The following LRCH3 variants were observed in gnomAD, a reference collection of about 807,000 sequenced individuals.
LRCH3 encodes DISP complex protein LRCH3.
Under a neutral mutation model 104.5 loss-of-function variants are expected in LRCH3, and 68 were observed. The ratio of observed to expected loss-of-function variants is 0.65; its 90% CI spans 0.54 to 0.80. The LOEUF (loss-of-function observed/expected upper bound fraction) is 0.80. Ranked by LOEUF, LRCH3 falls within the 30% of genes least tolerant of loss-of-function variation. The pLI is 0.00. For missense variants in LRCH3, 951 were observed against 953.9 expected (o/e 1.00, Z 0.04); for synonymous variants, 344 against 361.3 (o/e 0.95, Z 0.54).
chr3:197,852,309 G>A, intron 12 of LRCH3: 1 of 416,604 alleles, frequency 2.4e-6, no homozygotes, highest in Non-Finnish European at 4.4e-6. Flanking sequence ...TGATACTAAA[G>A]CCATTAGAGG....
At chr3:197,844,130 A>T (rs549887344) in intron 10 of LRCH3, among the ~76,000 whole-genome samples, 1 of 152,208 alleles carries the variant, frequency 6.6e-6, no homozygotes, top group African/African-American at 2.4e-5. Flanking sequence ...AGGTAGGAAC[A>T]TGCTTTTGGT....
intron 13 of LRCH3, among the ~76,000 whole-genome samples, chr3:197,853,478 A>G (rs1560582358): frequency 6.6e-6 from 1 of 152,176 alleles, no homozygotes; most frequent in Non-Finnish European, 1.5e-5. Context: ...ACTTAATTCC[A>G]CTGCGCCTGA....
At chr3:197,833,217 T>C (rs924795140) in intron 8 of LRCH3, among the ~76,000 whole-genome samples, 2 of 151,886 alleles carry the variant, frequency 1.3e-5, no homozygotes, top group African/African-American at 4.8e-5. Context: ...AATTATTGAG[T>C]ATTTGAAATG....
intron 1 of LRCH3, among the ~76,000 whole-genome samples, chr3:197,793,202 A>G (rs184047440): frequency 6.6e-6 from 1 of 152,268 alleles, no homozygotes; most frequent in Admixed American, 6.5e-5. Context: ...GGAAAAATAA[A>G]CAGAACTGTT....
chr3:197,829,698 T>A, intron 6 of LRCH3, 25 bp downstream of exon 6: 1 of 1,477,682 alleles, frequency 6.8e-7, no homozygotes, highest in Non-Finnish European at 9.3e-7. Context: ...TCCCTTTATC[T>A]ATCATATTTT....
intron 9 of LRCH3, among the ~76,000 whole-genome samples, chr3:197,837,025 C>G (rs10428138): frequency 6.6e-6 from 1 of 152,024 alleles, no homozygotes; most frequent in African/African-American, 2.4e-5. Context: ...TTTTTCCTAT[C>G]TGAATACTTT....
At chr3:197,840,266 C>T (rs763559039) in intron 10 of LRCH3, among the ~76,000 whole-genome samples, 7 of 151,994 alleles carry the variant, frequency 4.6e-5, no homozygotes, top group Non-Finnish European at 8.8e-5. Flanking sequence ...GGTGAAACGC[C>T]GTCTCTACTA....
rs1032564873 is a variant in LRCH3, at chr3:197,882,090, GT to G, written c.2209-1448del. 8 of 985,310 alleles carry G rather than the reference GT, an allele frequency of 8.1e-6. No homozygotes were observed. In the African/African-American group the frequency reaches 1.4e-4, roughly 17 times the overall value. The allele number at this position is 985,310 out of a possible 1,614,324, so 61.0% of individuals were successfully genotyped here. On this transcript the variant is annotated intron_variant, in intron 20 of 20. Transcript: ENST00000425562. ...AAAAACACACACAGGCTCTCATGTG[GT>G]TTAGGGGTTGTAATTGTACATTCTC...
intron 9 of LRCH3, 139 bp from the exon 10 acceptor site, chr3:197,839,182 T>C (rs1321944226): frequency 1.7e-5 from 10 of 591,138 alleles, no homozygotes; most frequent in Non-Finnish European, 2.9e-5. Flanking sequence ...CTTTTAAACT[T>C]AAAGTTTACA....
intron 1 of LRCH3, among the ~76,000 whole-genome samples, chr3:197,799,980 G>T (rs1484511144): frequency 6.6e-6 from 1 of 151,480 alleles, no homozygotes; most frequent in Non-Finnish European, 1.5e-5. Flanking sequence ...AGGAGTTCAA[G>T]ACGAGCCTGG....
In LRCH3 at chr3:197,810,034, C is replaced by G. The variant is rs1003312204; in HGVS notation, c.263-4874C>G. On this transcript the variant is annotated intron_variant, in intron 1 of 20. Transcript: ENST00000425562. This position sits in a 1 kb window ranked among gnomAD's most constrained non-coding sequence, Gnocchi z 4.0. ...TAACCTTTGAGTAGGGGTGAGGCTA[C>G]TCAAAGGTTGCATGGGAAGCCTGTT... Among the ~76,000 whole-genome samples, 4 of 152,106 alleles carry G rather than the reference C, an allele frequency of 2.6e-5. No individual in the cohort carries two copies. Among genetic ancestry groups the G allele is most frequent in the Non-Finnish European group, 5.9e-5 (4 of 68,022 alleles).
At chr3:197,857,968 T>A (rs1269585846) in intron 14 of LRCH3, among the ~76,000 whole-genome samples, 1 of 152,226 alleles carries the variant, frequency 6.6e-6, no homozygotes, top group African/African-American at 2.4e-5. Flanking sequence ...TCTTGTTCAT[T>A]TATCTCATAG....
intron 20 of LRCH3, among the ~76,000 whole-genome samples, chr3:197,879,326 A>G (rs544160134): frequency 6.6e-6 from 1 of 152,310 alleles, no homozygotes; most frequent in Non-Finnish European, 1.5e-5. Context: ...CATTTTGAAC[A>G]CATTCTCGAG....
intron 1 of LRCH3, among the ~76,000 whole-genome samples, chr3:197,800,430 G>A (rs1419541601): frequency 6.6e-6 from 1 of 152,178 alleles, no homozygotes; most frequent in Non-Finnish European, 1.5e-5. Context: ...TGTTTGAAAA[G>A]GTGCTGAACC....
At chr3:197,857,077 C>A (rs886545973) in intron 14 of LRCH3, among the ~76,000 whole-genome samples, 1 of 151,944 alleles carries the variant, frequency 6.6e-6, no homozygotes, top group East Asian at 1.9e-4. Context: ...ACCCCTCAAG[C>A]TCCTGTTAAT....
chr3:197,796,747 A>G (rs1731248050), intron 1 of LRCH3, among the ~76,000 whole-genome samples: 1 of 152,188 alleles, frequency 6.6e-6, no homozygotes, highest in Non-Finnish European at 1.5e-5. Context: ...CCCAGCTAAT[A>G]AGTGACAAAA....
chr3:197,805,125 C>G (rs1344132153), intron 1 of LRCH3, among the ~76,000 whole-genome samples: 1 of 152,136 alleles, frequency 6.6e-6, no homozygotes, highest in African/African-American at 2.4e-5. Context: ...AACTCCCGAC[C>G]TCAGTGATCT....
intron 19 of LRCH3, among the ~76,000 whole-genome samples, chr3:197,874,572 G>A (rs1580897204): frequency 6.6e-6 from 1 of 152,194 alleles, no homozygotes; most frequent in Admixed American, 6.5e-5. Flanking sequence ...TAAATGTAAT[G>A]TGCCTGAATC....
At chr3:197,824,903 C>A (rs1290146725) in intron 4 of LRCH3, among the ~76,000 whole-genome samples, 1 of 152,226 alleles carries the variant, frequency 6.6e-6, no homozygotes, top group Non-Finnish European at 1.5e-5. Flanking sequence ...GTGTTAAATA[C>A]TCTGAGTCCT....
Sources: gnomAD v4.1 joint callset for allele counts (sites outside exome capture counted in the v4.1 genomes callset) on GRCh38, gnomAD v4.1.1 for gene constraint, Gnocchi (gnomAD v3.1) non-coding constraint, MANE v1.5 for transcripts, NCBI Gene and HGNC (gene_info 2026-07-23, HGNC 2026-07-21) for gene names.